Variants in DCDC1 observed in about 807,000 individuals in gnomAD.
The protein encoded by DCDC1 is doublecortin domain-containing protein 1.
Under a neutral mutation model 178.3 loss-of-function variants are expected in DCDC1, and 200 were observed. That is an observed-to-expected ratio of 1.12 (90% confidence interval 1.00 to 1.26). The LOEUF (loss-of-function observed/expected upper bound fraction) is 1.26, where lower values mean the gene tolerates loss of function less well. Ranked by LOEUF, DCDC1 falls within the 50% of genes most tolerant of loss-of-function variation. The pLI, the probability that DCDC1 is intolerant of heterozygous loss-of-function variation, is 0.00. For missense variants in DCDC1, 1,983 were observed against 1,749.2 expected (o/e 1.13, Z -2.38); for synonymous variants, 690 against 604.8 (o/e 1.14, Z -2.07).
At chr11:31,355,679 T>C (rs960455531) in intron 1 of DCDC1, among the ~76,000 whole-genome samples, 14 of 152,132 alleles carry the variant, frequency 9.2e-5, no homozygotes, top group Non-Finnish European at 1.8e-4. Flanking sequence ...GCGATTCTCC[T>C]GCCTCAGCCT....
intron 7 of DCDC1, among the ~76,000 whole-genome samples, chr11:31,286,749 T>C (rs895253294): frequency 2.0e-5 from 3 of 152,052 alleles, no homozygotes; most frequent in East Asian, 1.9e-4. Context: ...GTTGACTATA[T>C]AGAAAACAGA....
chr11:31,250,421 C>CATATATATATATATATACATATAT lies in DCDC1; in HGVS notation c.1055-8806_1055-8805insATATATGTATATATATATATATAT. Among the ~76,000 whole-genome samples, 4 of 52,866 alleles carry CATATATATATATATATACATATAT rather than the reference C, an allele frequency of 7.6e-5. 1 individual carries two copies. Among genetic ancestry groups the CATATATATATATATATACATATAT allele is most frequent in the Non-Finnish European group, 1.9e-4 (4 of 20,716 alleles). The allele number at this position is 52,866 out of a possible 152,430, so 34.7% of individuals were successfully genotyped here. ...ACACACACACACACACACACATATA[C>CATATATATATATATATACATATAT]ATATATATGTATATATATATATATC... is the stretch of plus-strand genomic sequence containing the variant. On this transcript the variant is annotated intron_variant, in intron 8 of 38. Transcript: ENST00000684477.
intron 20 of DCDC1, among the ~76,000 whole-genome samples, chr11:30,983,703 A>G (rs1312079537): frequency 6.6e-6 from 1 of 152,172 alleles, no homozygotes; most frequent in Non-Finnish European, 1.5e-5. Flanking sequence ...TCAATTTGCT[A>G]TTTTCAAGGA....
chr11:30,976,559 T>C (rs1022253343), intron 20 of DCDC1, among the ~76,000 whole-genome samples: 18 of 149,958 alleles, frequency 1.2e-4, no homozygotes, highest in Non-Finnish European at 2.5e-4. Context: ...GACATACAGA[T>C]GGCCAACAGG....
At chr11:31,046,917 G>T (rs1954879207) in intron 20 of DCDC1, among the ~76,000 whole-genome samples, 2 of 152,046 alleles carry the variant, frequency 1.3e-5, no homozygotes, top group South Asian at 4.1e-4. Context: ...TAAGAAATCA[G>T]ACTCTTTCAC....
intron 9 of DCDC1, among the ~76,000 whole-genome samples, chr11:31,217,672 G>T (rs1973754109): frequency 6.6e-6 from 1 of 151,930 alleles, no homozygotes; most frequent in Non-Finnish European, 1.5e-5. Context: ...TCAACTCAAA[G>T]GGGAATTAAT....
At chr11:31,013,036 A>C (rs984372220) in intron 20 of DCDC1, among the ~76,000 whole-genome samples, 3 of 151,968 alleles carry the variant, frequency 2.0e-5, no homozygotes, top group Non-Finnish European at 4.4e-5. Context: ...ACACATTAAA[A>C]CTCTATTAAA....
intron 22 of DCDC1, among the ~76,000 whole-genome samples, chr11:30,929,576 A>T (rs1946801741): frequency 6.6e-6 from 1 of 152,074 alleles, no homozygotes; most frequent in Admixed American, 6.6e-5. Flanking sequence ...ATGCAGGGAT[A>T]GGTCATAAAA....
intron 15 of DCDC1, among the ~76,000 whole-genome samples, chr11:31,095,818 T>C (rs1357665726): frequency 6.6e-6 from 1 of 152,204 alleles, no homozygotes. Context: ...ATAAACTTTA[T>C]CTCCTAAATT....
chr11:30,970,592 C>A (rs969529266), intron 20 of DCDC1, among the ~76,000 whole-genome samples: 6 of 152,178 alleles, frequency 3.9e-5, no homozygotes, highest in Non-Finnish European at 5.9e-5. Context: ...TCCACCACCC[C>A]CAACAGAGGA....
intron 18 of DCDC1, among the ~76,000 whole-genome samples, chr11:31,075,995 G>T (rs905963394): frequency 2.1e-4 from 32 of 152,176 alleles, no homozygotes; most frequent in African/African-American, 7.2e-4. Flanking sequence ...CAGTAGCTGG[G>T]ATTACAGGCA....
At chr11:30,976,170 A>G (rs183128449) in intron 20 of DCDC1, among the ~76,000 whole-genome samples, 13 of 152,230 alleles carry the variant, frequency 8.5e-5, no homozygotes, top group African/African-American at 3.1e-4. Context: ...CAGAAGAATG[A>G]AATTAGACAA....
rs369679113 is a variant in DCDC1, at chr11:30,994,914, T to C, written c.2592-42346A>G. On this transcript the variant is annotated intron_variant, in intron 20 of 38. Coordinates refer to ENST00000684477, the MANE Select transcript of DCDC1 (RefSeq NM_001387274.1). ...CTGCTATTAATCATGGTCCCAGAAA[T>C]CCTTGGCAATACACTAAGGGGAGGA... Among the ~76,000 whole-genome samples the C allele has an allele frequency of 2.9e-3, 435 of 150,496 alleles. 2 individuals carry two copies. The highest frequency in any genetic ancestry group is 4.3e-3 in the Non-Finnish European group (289 of 67,696).
chr11:30,982,163 T>C (rs781782083), intron 20 of DCDC1, among the ~76,000 whole-genome samples: 2 of 152,224 alleles, frequency 1.3e-5, no homozygotes, highest in African/African-American at 2.4e-5. Flanking sequence ...AAATAGTTTC[T>C]GACACTTGTC....
intron 3 of DCDC1, among the ~76,000 whole-genome samples, chr11:31,317,844 T>G (rs1949189627): frequency 1.9e-5 from 1 of 51,468 alleles, no homozygotes; most frequent in African/African-American, 2.0e-4. Flanking sequence ...AATACCTAAT[T>G]TATTGAGAGT....
At chr11:31,080,979 G>A (rs934801660) in intron 17 of DCDC1, among the ~76,000 whole-genome samples, 16 of 152,246 alleles carry the variant, frequency 1.1e-4, no homozygotes, top group Middle Eastern at 3.4e-3. Flanking sequence ...GTGTTGCCTT[G>A]ATGATGAATT....
intron 4 of DCDC1, 189 bp downstream of exon 4, chr11:31,307,450 T>C (rs779196065): frequency 2.7e-5 from 18 of 663,674 alleles, no homozygotes; most frequent in African/African-American, 3.6e-5. Context: ...GTGTATCTCA[T>C]ATTTCCCACA....
chr11:31,153,289 A>G (rs894753006), intron 9 of DCDC1, among the ~76,000 whole-genome samples: 1 of 152,222 alleles, frequency 6.6e-6, no homozygotes, highest in Non-Finnish European at 1.5e-5. Context: ...CCCTTACGCT[A>G]TGTCATAGTT....
At chr11:30,888,381 GT>G (rs1842697884) in intron 36 of DCDC1, among the ~76,000 whole-genome samples, 1 of 152,190 alleles carries the variant, frequency 6.6e-6, no homozygotes, top group Non-Finnish European at 1.5e-5. Context: ...GACGTTTTCA[GT>G]ACAATTAGGT....
Sources: gnomAD v4.1 joint callset for allele counts (sites outside exome capture counted in the v4.1 genomes callset) on GRCh38, gnomAD v4.1.1 for gene constraint, MANE v1.5 for transcripts, NCBI Gene and HGNC (gene_info 2026-07-23, HGNC 2026-07-21) for gene names.